FMN1: variants seen among roughly 807,000 people sequenced by gnomAD.
FMN1 encodes formin-1.
Under a neutral mutation model 132.4 loss-of-function variants are expected in FMN1, and 110 were observed. That is an observed-to-expected ratio of 0.83 (90% CI 0.71 to 0.97). The LOEUF (loss-of-function observed/expected upper bound fraction) is 0.97. Among genes scored for constraint, FMN1 ranks in the 50% least tolerant of loss-of-function variants. The pLI is 0.00. For synonymous variants in FMN1, 722 were observed against 651.7 expected, an observed-to-expected ratio of 1.11 and a Z score of -1.64; for missense variants, 1,792 against 1,705.3, an observed-to-expected ratio of 1.05 and a Z score of -0.90.
At chr15:32,855,157 T>TAAAAAAAAAA (rs750275479) in intron 17 of FMN1, among the ~76,000 whole-genome samples, 8 of 85,486 alleles carry the variant, frequency 9.4e-5, no homozygotes, top group South Asian at 7.0e-4. Flanking sequence ...ACGTGGAGAG[T>TAAAAAAAAAA]AAAAAAAAAA....
chr15:32,828,505 G>GTT (rs201540808), intron 17 of FMN1, among the ~76,000 whole-genome samples: 2,124 of 146,902 alleles, frequency 0.014, 22 homozygotes, highest in East Asian at 0.028. Context: ...CATTTAGCAT[G>GTT]TTTTTTTTTT....
chr15:33,116,454 T>C (rs1352938255), intron 4 of FMN1, among the ~76,000 whole-genome samples: 3 of 152,198 alleles, frequency 2.0e-5, no homozygotes, highest in Non-Finnish European at 4.4e-5. Flanking sequence ...CCGTTTTCTG[T>C]CTATAAATGT....
rs2056327139 is a variant in FMN1, at chr15:32,773,815, T to C, written c.*495A>G. The stretch of plus-strand genomic sequence containing the variant: ...ATAGTTTTGGTGAGTTGCAACATTA[T>C]TGGAGAGAAAGATGCTGCAGGATTT... On this transcript the variant is annotated 3_prime_UTR_variant, in exon 21 of 21. Transcript: ENST00000616417. The C allele has an allele frequency of 6.3e-6, 1 of 159,554 alleles. No individual in the cohort carries two copies. The highest frequency in any genetic ancestry group is 1.9e-4 in the South Asian group (1 of 5,302). 9.9% of individuals were successfully genotyped at this position (159,554 alleles called of 1,614,324 possible).
chr15:33,008,297 A>C (rs1326705052), intron 6 of FMN1, among the ~76,000 whole-genome samples: 1 of 152,142 alleles, frequency 6.6e-6, no homozygotes, highest in African/African-American at 2.4e-5. Flanking sequence ...GACACAAATT[A>C]AGCAGATGGG....
intron 15 of FMN1, among the ~76,000 whole-genome samples, chr15:32,894,341 A>G (rs1246519215): frequency 6.6e-6 from 1 of 152,034 alleles, no homozygotes; most frequent in Non-Finnish European, 1.5e-5. Flanking sequence ...AAAAAAAATT[A>G]GGTGTGGTGG....
chr15:32,977,863 C>CTT (rs773212104), intron 7 of FMN1, among the ~76,000 whole-genome samples: 7 of 142,642 alleles, frequency 4.9e-5, no homozygotes, highest in East Asian at 2.0e-4. Context: ...TACAATTATT[C>CTT]TTTTTTTTTT....
At chr15:32,812,056 G>A (rs867975887) in intron 17 of FMN1, among the ~76,000 whole-genome samples, 7 of 151,594 alleles carry the variant, frequency 4.6e-5, no homozygotes, top group African/African-American at 1.5e-4. Flanking sequence ...ACAAAACCAC[G>A]AAATGGTATC....
chr15:33,016,150 T>C (rs1256627004), intron 6 of FMN1, among the ~76,000 whole-genome samples: 1 of 152,116 alleles, frequency 6.6e-6, no homozygotes, highest in Non-Finnish European at 1.5e-5. Context: ...AAAAATAGTA[T>C]AAATATGTAT....
intron 3 of FMN1, among the ~76,000 whole-genome samples, chr15:33,170,572 C>A (rs1192018496): frequency 1.3e-5 from 2 of 148,844 alleles, no homozygotes; most frequent in Non-Finnish European, 3.0e-5. Flanking sequence ...AAAAAAAACC[C>A]GTTGAAAAAT....
intron 5 of FMN1, among the ~76,000 whole-genome samples, chr15:33,083,533 C>T (rs2141336275): frequency 6.6e-6 from 1 of 152,298 alleles, no homozygotes; most frequent in Admixed American, 6.5e-5. Context: ...AAAAACCCTA[C>T]CCAAAGAAGT....
chr15:32,978,545 A>T (rs2032393956), intron 7 of FMN1, among the ~76,000 whole-genome samples: 1 of 152,234 alleles, frequency 6.6e-6, no homozygotes, highest in Admixed American at 6.5e-5. Flanking sequence ...TTCCTTCTCT[A>T]TTAAAAGAGA....
rs142761966 is a variant in FMN1 at position 32,827,057 on chromosome 15, G to A, written c.3929-22725C>T. 2.3e-4 allele frequency among the ~76,000 whole-genome samples: 35 copies of A among 152,292 alleles called. No homozygotes were observed. The East Asian group carries it at 6.0e-3, about 26-fold the overall frequency. On this transcript the variant is annotated intron_variant, in intron 17 of 20. Transcript: ENST00000616417. ...CGTCTCCATTAGGCTCTGAATATGC[G>A]TTTATTTTTATAGCTCCCTTTCATG... is the stretch of plus-strand genomic sequence containing the variant.
Position 32,898,897 on chromosome 15 carries a change from G to C in FMN1, c.3655-4C>G. 2 of 1,575,900 alleles carry C rather than the reference G, an allele frequency of 1.3e-6. No individual in the cohort carries two copies. Among genetic ancestry groups the C allele is most frequent in the Non-Finnish European group, 1.7e-6 (2 of 1,147,506 alleles). On this transcript the variant is annotated splice_polypyrimidine_tract_variant and splice_region_variant and intron_variant, in intron 14 of 20. Coordinates refer to ENST00000616417, the MANE Select transcript of FMN1 (RefSeq NM_001277313.2). ...CCACCAGATTAATCCCATTATCCTA[G>C]GTTTAAAAGAGAAATGTACATGAAA...
chr15:33,128,403 G>T (rs897000773), intron 4 of FMN1, among the ~76,000 whole-genome samples: 2 of 152,110 alleles, frequency 1.3e-5, no homozygotes, highest in East Asian at 1.9e-4. Context: ...CCCGCCATTT[G>T]TTCATCAACA....
chr15:32,786,138 C>T (rs892028133), intron 19 of FMN1, among the ~76,000 whole-genome samples: 3 of 152,106 alleles, frequency 2.0e-5, no homozygotes, highest in African/African-American at 7.2e-5. Flanking sequence ...ACTGGACTTA[C>T]CCTAAATGTA....
intron 2 of FMN1, among the ~76,000 whole-genome samples, chr15:33,189,031 T>C (rs971073659): frequency 1.3e-5 from 2 of 152,212 alleles, no homozygotes; most frequent in Non-Finnish European, 2.9e-5. Flanking sequence ...TTCCTTAAGA[T>C]GGTGTGGTAT....
intron 4 of FMN1, among the ~76,000 whole-genome samples, chr15:33,152,552 A>T (rs1964479455): frequency 6.8e-6 from 1 of 147,954 alleles, no homozygotes; most frequent in Non-Finnish European, 1.5e-5. Flanking sequence ...TACTAAAAAC[A>T]AACAAACAAA....
chr15:32,990,474 G>C (rs2033366997), intron 7 of FMN1, among the ~76,000 whole-genome samples: 1 of 152,162 alleles, frequency 6.6e-6, no homozygotes, highest in South Asian at 2.1e-4. Context: ...AGTTGGAACG[G>C]AATTCAAGTG....
At chr15:33,027,675 T>C (rs8039496) in intron 6 of FMN1, among the ~76,000 whole-genome samples, 8,639 of 151,398 alleles carry the variant, frequency 0.057, 276 homozygotes, top group South Asian at 0.11. Context: ...TAACCGACTT[T>C]CTCATAACTG....
Sources: allele counts gnomAD v4.1 joint callset (sites outside exome capture counted in the v4.1 genomes callset), GRCh38; gene constraint gnomAD v4.1.1; transcripts MANE v1.5; gene names NCBI Gene and HGNC (gene_info 2026-07-23, HGNC 2026-07-21).